STXBP5: variants seen among roughly 807,000 people sequenced by gnomAD.
STXBP5 encodes syntaxin binding protein 5.
Under a neutral mutation model 152.4 loss-of-function variants are expected in STXBP5, and 50 were observed. The observed-to-expected ratio is 0.33, with a 90% CI of 0.26 to 0.42. The LOEUF is 0.42. Among genes scored for constraint, STXBP5 ranks in the 10% least tolerant of loss-of-function variants. The pLI is 1.00. For synonymous variants in STXBP5, 492 were observed against 494.7 expected (o/e 0.99, Z 0.07); for missense variants, 1,167 against 1,388.6 (o/e 0.84, Z 2.54).
rs1786302475 is a variant in STXBP5, at chr6:147,385,640, A to G, written c.*885A>G. On this transcript the variant is annotated 3_prime_UTR_variant, in exon 28 of 28. Coordinates refer to ENST00000321680, the MANE Select transcript of STXBP5 (RefSeq NM_001127715.4). ...AATAATGCTGGTTAAATTTGTAGAA[A>G]TGTTGAAATTGGCTGTGTTTTAAAT... The G allele has an allele frequency of 6.6e-6, 1 of 152,150 alleles. No individual in the cohort carries two copies. Among genetic ancestry groups the G allele is most frequent in the Non-Finnish European group, 1.5e-5 (1 of 68,006 alleles). 9.4% of individuals were successfully genotyped at this position (152,150 alleles called of 1,614,324 possible).
intron 10 of STXBP5, 37 bp downstream of exon 10, chr6:147,310,275 G>T (rs1336979346): frequency 7.4e-7 from 1 of 1,345,774 alleles, no homozygotes; most frequent in Admixed American, 3.2e-5. Flanking sequence ...TCTCTATAGA[G>T]AGCTGATATT....
At chr6:147,215,812 G>T (rs1192671608) in intron 2 of STXBP5, among the ~76,000 whole-genome samples, 2 of 152,184 alleles carry the variant, frequency 1.3e-5, no homozygotes, top group East Asian at 3.9e-4. Context: ...TAATAATAAA[G>T]GTAGCTTAAT....
intron 4 of STXBP5, among the ~76,000 whole-genome samples, chr6:147,244,708 G>C (rs1778721189): frequency 6.6e-6 from 1 of 152,124 alleles, no homozygotes; most frequent in Non-Finnish European, 1.5e-5. Flanking sequence ...TAATTAATTT[G>C]AAGCATTTGT....
chr6:147,213,477 T>TGTGTGTGTGCGTGCGCGCGCGCGCGC, intron 2 of STXBP5, among the ~76,000 whole-genome samples: 3 of 131,278 alleles, frequency 2.3e-5, no homozygotes, highest in African/African-American at 9.6e-5. Flanking sequence ...TGTGTGTGTG[T>TGTGTGTGTGCGTGCGCGCGCGCGCGC]GCGCGCGCAT....
At chr6:147,269,987 G>A (rs1270106376) in intron 7 of STXBP5, among the ~76,000 whole-genome samples, 4 of 152,078 alleles carry the variant, frequency 2.6e-5, no homozygotes, top group South Asian at 4.1e-4. Context: ...GAAGAAACAC[G>A]AAACAAACTA....
intron 27 of STXBP5, 128 bp from the exon 28 acceptor site, chr6:147,384,586 G>C: frequency 2.2e-6 from 2 of 889,736 alleles, no homozygotes; most frequent in Non-Finnish European, 3.6e-6. Flanking sequence ...ATAAGTTGAA[G>C]TAAGCATATA....
At chr6:147,336,914 T>C (rs1159719823) in intron 19 of STXBP5, among the ~76,000 whole-genome samples, 2 of 152,092 alleles carry the variant, frequency 1.3e-5, no homozygotes, top group South Asian at 2.1e-4. Context: ...CTCAACTGTT[T>C]AGTTAATTAA....
chr6:147,306,649 A>G (rs1782110475), intron 9 of STXBP5, among the ~76,000 whole-genome samples: 2 of 152,284 alleles, frequency 1.3e-5, no homozygotes, highest in Admixed American at 1.3e-4. Context: ...TGCAGTCCCA[A>G]TGGCCTGTTA....
intron 4 of STXBP5, among the ~76,000 whole-genome samples, chr6:147,259,502 A>G (rs944040558): frequency 2.0e-5 from 3 of 152,170 alleles, no homozygotes; most frequent in Non-Finnish European, 4.4e-5. Flanking sequence ...CTAACTGAAC[A>G]TTACCTCTAA....
chr6:147,253,841 A>C (rs140620543), intron 4 of STXBP5, among the ~76,000 whole-genome samples: 1 of 152,238 alleles, frequency 6.6e-6, no homozygotes, highest in African/African-American at 2.4e-5. Context: ...GATAGGAAGA[A>C]TCAATATCGT....
chr6:147,213,154 T>C (rs1776946840), intron 2 of STXBP5, among the ~76,000 whole-genome samples: 1 of 152,182 alleles, frequency 6.6e-6, no homozygotes, highest in Non-Finnish European at 1.5e-5. Flanking sequence ...CATGTACATG[T>C]AAGTAACTGG....
chr6:147,271,607 C>T (rs1019214323), intron 7 of STXBP5, among the ~76,000 whole-genome samples: 16 of 151,944 alleles, frequency 1.1e-4, no homozygotes, highest in South Asian at 6.2e-4. Flanking sequence ...CTGAAAAAAA[C>T]GATTTACCAA....
intron 2 of STXBP5, among the ~76,000 whole-genome samples, chr6:147,232,043 G>T (rs1212893057): frequency 6.6e-6 from 1 of 151,830 alleles, no homozygotes; most frequent in African/African-American, 2.4e-5. Context: ...CATTTGGTAA[G>T]TACACTCTAT....
chr6:147,285,587 C>T (rs915750433), intron 8 of STXBP5, among the ~76,000 whole-genome samples: 1 of 151,714 alleles, frequency 6.6e-6, no homozygotes, highest in African/African-American at 2.4e-5. Context: ...TTAACATCCT[C>T]TCAGAGGGAC....
chr6:147,209,292 T>C (rs1025289381), intron 2 of STXBP5, among the ~76,000 whole-genome samples: 1 of 152,122 alleles, frequency 6.6e-6, no homozygotes, highest in Non-Finnish European at 1.5e-5. Context: ...TGGTGGAAAA[T>C]ACAGTGAAAT....
At chr6:147,309,126 A>T (rs568686343) in intron 9 of STXBP5, among the ~76,000 whole-genome samples, 5 of 152,158 alleles carry the variant, frequency 3.3e-5, no homozygotes, top group Admixed American at 2.6e-4. Context: ...TAACCATTAG[A>T]TATTATTACG....
chr6:147,334,192 C>G lies in STXBP5; in HGVS notation c.2116C>G (p.Pro706Ala). The change falls in exon 19 of 28, where the codon CCA becomes GCA. Residue 706 changes from proline to alanine, a missense_variant. By Grantham distance (27) the Pro-to-Ala change is conservative. Coordinates refer to ENST00000321680, the MANE Select transcript of STXBP5 (RefSeq NM_001127715.4). ...LCDISEGTVV[P>A]EDRCKSPTSG... is the part of the protein sequence containing the mutation. ...TGATATTAGTGAAGGGACTGTTGTT[C>G]CAGAGGATCGCTGCAAATCTCCAAC... 6.2e-7 allele frequency: 1 copy of G among 1,611,634 alleles called. No homozygotes were observed. The highest frequency in any genetic ancestry group is 8.5e-7 in the Non-Finnish European group (1 of 1,178,892).
chr6:147,339,867 C>G (rs1784012549), intron 21 of STXBP5, among the ~76,000 whole-genome samples: 1 of 151,808 alleles, frequency 6.6e-6, no homozygotes, highest in South Asian at 2.1e-4. Flanking sequence ...TAGGACTGCC[C>G]CTACTCTCTC....
chr6:147,339,701 A>C (rs1249947357), intron 21 of STXBP5, among the ~76,000 whole-genome samples: 1 of 151,920 alleles, frequency 6.6e-6, no homozygotes, highest in Non-Finnish European at 1.5e-5. Context: ...TTTTGAAGCA[A>C]TGGTTTCTTT....
Sources: allele counts gnomAD v4.1 joint callset (sites outside exome capture counted in the v4.1 genomes callset), GRCh38; gene constraint gnomAD v4.1.1; transcripts MANE v1.5; gene names NCBI Gene and HGNC (gene_info 2026-07-23, HGNC 2026-07-21).